CYP4F11: variants seen among roughly 807,000 people sequenced by gnomAD.
The protein encoded by CYP4F11 is cytochrome P450 4F11.
Under a neutral mutation model 62.2 loss-of-function variants are expected in CYP4F11, and 79 were observed. That is an observed-to-expected ratio of 1.27 (90% CI 1.06 to 1.53). The LOEUF is 1.53. Ranked by LOEUF, CYP4F11 falls within the 40% of genes most tolerant of loss-of-function variation. CYP4F11 has a pLI of 0.00. For missense variants in CYP4F11, 777 were observed against 680.5 expected, an observed-to-expected ratio of 1.14 and a Z score of -1.58; for synonymous variants, 290 against 263.7, an observed-to-expected ratio of 1.10 and a Z score of -0.97.
Position 15,914,786 on chromosome 19 carries a change from G to A in CYP4F11, c.1225C>T (p.Pro409Ser), listed in dbSNP as rs770105142. ...SRCCTQDFVL[P>S]DGRVIPKGIV... ...CCTTTGGGGATGACGCGGCCGTCTGGGAGCACAAAGTCCTGCGTGCAACAT... is the reference window on the plus strand; with the variant it reads ...CCTTTGGGGATGACGCGGCCGTCTGAGAGCACAAAGTCCTGCGTGCAACAT... Residue 409 changes from proline to serine, a missense_variant, in exon 9 of 12, where the codon CCA becomes TCA. Physicochemically the swap from Pro to Ser is moderately conservative, Grantham distance 74. Coordinates refer to ENST00000402119, the MANE Select transcript of CYP4F11 (RefSeq NM_021187.4). The A allele has an allele frequency of 6.2e-7, 1 of 1,614,194 alleles. No individual in the cohort carries two copies. Among genetic ancestry groups the A allele is most frequent in the Non-Finnish European group, 8.5e-7 (1 of 1,180,034 alleles).
At chr19:15,923,532 C>T (rs183411086) in intron 6 of CYP4F11, among the ~76,000 whole-genome samples, 22 of 152,252 alleles carry the variant, frequency 1.4e-4, no homozygotes, top group Admixed American at 9.8e-4. Flanking sequence ...GTGCATCTGT[C>T]ATCATAGATA....
chr19:15,923,677 A>T, intron 6 of CYP4F11, 135 bp downstream of exon 6: 1 of 1,251,120 alleles, frequency 8.0e-7, no homozygotes, highest in Non-Finnish European at 1.1e-6. Context: ...CATCTCTCAA[A>T]CCTATCTCTG....
chr19:15,930,573 C>A (rs2089705524), intron 1 of CYP4F11, among the ~76,000 whole-genome samples: 1 of 152,126 alleles, frequency 6.6e-6, no homozygotes, highest in Non-Finnish European at 1.5e-5. Flanking sequence ...GCCTGGGCAA[C>A]AGAGTGAGAC....
chr19:15,921,459 T>C (rs987598407), intron 8 of CYP4F11, among the ~76,000 whole-genome samples: 6 of 152,218 alleles, frequency 3.9e-5, no homozygotes, highest in African/African-American at 1.4e-4. Context: ...GTCCTGGGAC[T>C]GTTCCCCCAC....
In CYP4F11 at chr19:15,912,680, A is replaced by AAAAATATAT. The variant is rs59091525; in HGVS notation, c.*1051_*1052insATATATTTT. Reference sequence around the variant, plus strand: ...TCACCATCCTCAGGAAAAAAAAAAAAATATATATATATATATATGTGTGTG... The same window carrying AAAAATATAT: ...TCACCATCCTCAGGAAAAAAAAAAAAAAAATATATATATATATATATATATATGTGTGTG... On this transcript the variant is annotated 3_prime_UTR_variant, in exon 12 of 12. Coordinates refer to ENST00000402119, the MANE Select transcript of CYP4F11 (RefSeq NM_021187.4). The AAAAATATAT allele has an allele frequency of 9.1e-5, 6 of 66,166 alleles. No homozygotes were observed. Among genetic ancestry groups the AAAAATATAT allele is most frequent in the South Asian group, 6.9e-4 (1 of 1,442 alleles). 4.1% of individuals were successfully genotyped at this position (66,166 alleles called of 1,614,324 possible). A position where few individuals can be genotyped will look rare whatever the true frequency, so the allele number is the denominator to read the frequency against.
chr19:15,914,386 A>G lies in CYP4F11; in HGVS notation c.1316T>C (p.Val439Ala), dbSNP rs780849073. 1.2e-6 allele frequency: 2 copies of G among 1,613,700 alleles called. 1 individual carries two copies. Among genetic ancestry groups the G allele is most frequent in the South Asian group, 2.2e-5 (2 of 91,048 alleles). ...YNPTVWPDPE[V>A]YDPFRFDQEN... ...TTGGTCGAAACGGAAGGGGTCGTAG[A>G]CCTGCAGGTGAGACCAAGAAGGCTT... The change falls in exon 11 of 12, where the codon GTC (valine) becomes GCC (alanine). Residue 439 changes from valine to alanine, a missense_variant and splice_region_variant. Transcript: ENST00000402119.
rs1186312674 is a variant in CYP4F11 at position 15,913,659 on chromosome 19, C to T, written c.*73G>A. ...CCAGGAGCCCCATGCTGGCTGTCAA[C>T]GAGGCTCAAGCAGAGGTGTCAGCAT... On this transcript the variant is annotated 3_prime_UTR_variant, in exon 12 of 12. Transcript: ENST00000402119. The T allele has an allele frequency of 8.8e-6, 14 of 1,583,276 alleles. No individual in the cohort carries two copies. Among genetic ancestry groups the T allele is most frequent in the Non-Finnish European group, 1.0e-5 (12 of 1,157,928 alleles).
chr19:15,934,671 G>A, upstream of CYP4F11: 2 of 413,310 alleles, frequency 4.8e-6, no homozygotes, highest in South Asian at 3.2e-5. Flanking sequence ...GAATCACTGG[G>A]AGGTTGCCAG....
In CYP4F11 at chr19:15,914,591, G is replaced by A. The variant is rs1599369504; in HGVS notation, c.1314+11C>T. The A allele has an allele frequency of 4.3e-6, 7 of 1,613,984 alleles. No individual in the cohort carries two copies. In the East Asian group the frequency reaches 1.3e-4, roughly 31 times the overall value. ...TGGACTCCAAAAAGGGTGGGGTGAG[G>A]GAGGCACTACCTCAGGGTCTGGCCA... is the stretch of plus-strand genomic sequence containing the variant. On this transcript the variant is annotated intron_variant, in intron 10 of 11. Coordinates refer to ENST00000402119, the MANE Select transcript of CYP4F11 (RefSeq NM_021187.4).
intron 10 of CYP4F11, 50 bp from the exon 11 acceptor site, chr19:15,914,437 G>T (rs1248116867): frequency 1.3e-6 from 2 of 1,589,940 alleles, no homozygotes; most frequent in South Asian, 2.2e-5. Flanking sequence ...CCAGTTGGGT[G>T]GGGTCTCCCA....
chr19:15,913,555 G>A lies in CYP4F11; in HGVS notation c.*177C>T. On this transcript the variant is annotated 3_prime_UTR_variant, in exon 12 of 12. Coordinates refer to ENST00000402119, the MANE Select transcript of CYP4F11 (RefSeq NM_021187.4). Reference sequence around the variant, plus strand: ...CCTAGATGCCCTGTGCTCAGCCAGAGAGGCCGTCAGGGTTTTGGGTTCAGA... The same window carrying A: ...CCTAGATGCCCTGTGCTCAGCCAGAAAGGCCGTCAGGGTTTTGGGTTCAGA... 1.3e-6 allele frequency: 1 copy of A among 744,824 alleles called. No homozygotes were observed. The highest frequency in any genetic ancestry group is 2.2e-6 in the Non-Finnish European group (1 of 462,832). The allele number at this position is 744,824 out of a possible 1,614,324, so 46.1% of individuals were successfully genotyped here.
chr19:15,921,574 A>G (rs12460606), intron 8 of CYP4F11, among the ~76,000 whole-genome samples: 82,554 of 152,136 alleles, frequency 0.54, 22,970 homozygotes, highest in Non-Finnish European at 0.6. Context: ...AATACAGTGT[A>G]GGAGCATTTG....
Position 15,913,882 on chromosome 19 carries a change from C to T in CYP4F11, c.1425G>A (p.Met475Ile), listed in dbSNP as rs2089558872. 1 of 1,613,794 alleles carries T rather than the reference C, an allele frequency of 6.2e-7. No homozygotes were observed. Among genetic ancestry groups the T allele is most frequent in the Non-Finnish European group, 8.5e-7 (1 of 1,179,942 alleles). The change falls in exon 12 of 12, where the codon ATG becomes ATA. Residue 475 changes from methionine to isoleucine, a missense_variant. Met to Ile is a conservative substitution (Grantham distance 10). Coordinates refer to ENST00000402119, the MANE Select transcript of CYP4F11 (RefSeq NM_021187.4). ...PRNCIGQAFA[M>I]AEMKVVLALT... ...GCGCCAGGACCACCTTCATCTCAGC[C>T]ATGGCGAACGCCTGCCCGATGCAGT...
chr19:15,919,474 A>C (rs1364686267), intron 8 of CYP4F11, among the ~76,000 whole-genome samples: 4 of 63,644 alleles, frequency 6.3e-5, no homozygotes, highest in African/African-American at 2.4e-4. Context: ...ACAGATGTAT[A>C]GATAGATAGA....
chr19:15,931,427 C>A (rs925543385), intron 1 of CYP4F11, among the ~76,000 whole-genome samples: 12 of 151,848 alleles, frequency 7.9e-5, no homozygotes, highest in African/African-American at 2.9e-4. Flanking sequence ...ACAGGAGACC[C>A]TCAGAGGTGC....
At position 15,934,396 on chromosome 19, in the gene CYP4F11, T is replaced by G. The variant is rs150219582; in HGVS notation, c.13A>C (p.Ser5Arg). Residue 5 changes from serine (S) to arginine (R), a missense_variant, in exon 1 of 12, where the codon AGC (serine) becomes CGC (arginine). By Grantham distance (110) the Ser-to-Arg change is moderately radical. Transcript: ENST00000402119. Reference sequence around the variant, plus strand: ...GGCCCGAGGCCCAGCCAGGACAGGCTCAGCTGCGGCATCCTGCAGGGCAGA... The same window carrying G: ...GGCCCGAGGCCCAGCCAGGACAGGCGCAGCTGCGGCATCCTGCAGGGCAGA... MPQL[S>R]LSWLGLGPVA... 29 of 1,612,904 alleles carry G rather than the reference T, an allele frequency of 1.8e-5. No homozygotes were observed. The highest frequency in any genetic ancestry group is 1.1e-5 in the Non-Finnish European group (13 of 1,179,622).
chr19:15,929,390 G>A, intron 2 of CYP4F11, 67 bp downstream of exon 2: 3 of 1,602,968 alleles, frequency 1.9e-6, no homozygotes, highest in Non-Finnish European at 2.6e-6. Flanking sequence ...AGAAGCTTGG[G>A]GAGGGGAGAG....
Position 15,934,269 on chromosome 19 carries a change from C to T in CYP4F11, c.140G>A (p.Arg47His), listed in dbSNP as rs550803822. The stretch of plus-strand genomic sequence containing the variant: ...CGGGGGTTGAGGAAAACACTGGAGG[C>T]GGCGGCAGTTGTCATAGAAGGTGTA... ...WTYTFYDNCRRLQCFPQPPKQ... is the reference protein window; with the variant it reads ...WTYTFYDNCRHLQCFPQPPKQ... The change falls in exon 1 of 12, where the codon CGC (arginine) becomes CAC (histidine). Residue 47 changes from arginine (R) to histidine (H), a missense_variant. Arg to His is a conservative substitution (Grantham distance 29). Coordinates refer to ENST00000402119, the MANE Select transcript of CYP4F11 (RefSeq NM_021187.4). The T allele has an allele frequency of 1.7e-5, 28 of 1,613,746 alleles. No individual in the cohort carries two copies. The South Asian group carries it at 1.8e-4, about 10-fold the overall frequency.
At chr19:15,927,583 T>C (rs1263493926) in intron 2 of CYP4F11, 100 bp from the exon 3 acceptor site, 2 of 1,486,062 alleles carry the variant, frequency 1.3e-6, no homozygotes, top group African/African-American at 2.8e-5. Context: ...CTTCCACGCA[T>C]CCCACCCAGC....
Sources: allele counts gnomAD v4.1 joint callset (sites outside exome capture counted in the v4.1 genomes callset), GRCh38; gene constraint gnomAD v4.1.1; transcripts MANE v1.5; gene names NCBI Gene and HGNC (gene_info 2026-07-23, HGNC 2026-07-21).